Variants in DNM3 observed in about 807,000 individuals in gnomAD.
DNM3 encodes the protein dynamin-3.
Under a neutral mutation model 101.6 loss-of-function variants are expected in DNM3, and 47 were observed. The observed-to-expected ratio is 0.46, with a 90% CI of 0.37 to 0.59. DNM3 has a LOEUF of 0.59. Ranked by LOEUF, DNM3 falls within the 20% of genes least tolerant of loss-of-function variation. The pLI is 0.00. For missense variants in DNM3, 849 were observed against 1,085.7 expected (o/e 0.78, Z 3.06); for synonymous variants, 385 against 387.9 (o/e 0.99, Z 0.09).
At chr1:171,891,269 T>C (rs1160648087) in intron 1 of DNM3, among the ~76,000 whole-genome samples, 1 of 151,988 alleles carries the variant, frequency 6.6e-6, no homozygotes, top group African/African-American at 2.4e-5. Context: ...CACAGCTTTT[T>C]CCAAATTATT....
At chr1:171,929,338 G>T (rs1377819736) in intron 2 of DNM3, among the ~76,000 whole-genome samples, 1 of 152,216 alleles carries the variant, frequency 6.6e-6, no homozygotes, top group Non-Finnish European at 1.5e-5. Flanking sequence ...TGAGGAACAG[G>T]ATTGCGGACA....
chr1:172,137,185 A>G (rs2057284688), intron 14 of DNM3: 1 of 152,146 alleles, frequency 6.6e-6, no homozygotes, highest in East Asian at 1.9e-4. Context: ...AGCATTTGCA[A>G]CAGGTGGTAC....
At chr1:172,130,577 A>G (rs1027886342) in intron 13 of DNM3, among the ~76,000 whole-genome samples, 1 of 152,214 alleles carries the variant, frequency 6.6e-6, no homozygotes, top group African/African-American at 2.4e-5. Context: ...AAATTTTACA[A>G]TATGCTGTTC....
Position 172,038,782 on chromosome 1 carries a change from T to G in DNM3, c.992+321T>G, listed in dbSNP as rs184620117. Among the ~76,000 whole-genome samples the G allele has an allele frequency of 2.2e-3, 329 of 152,302 alleles. 6 individuals carry two copies. Among genetic ancestry groups the G allele is most frequent in the Non-Finnish European group, 2.2e-3 (148 of 68,022 alleles). On this transcript the variant is annotated intron_variant, in intron 7 of 20. Transcript: ENST00000627582. ...TGTCTTAGAAGTGGGTAAATACAGA[T>G]GCAAATATCATTTGTATTTTTCAGC...
rs183492209 is a variant in DNM3, at chr1:172,047,068, T to G, written c.1197-1544T>G. 2.8e-3 allele frequency among the ~76,000 whole-genome samples: 426 copies of G among 152,308 alleles called. 2 individuals are homozygous for G. The highest frequency in any genetic ancestry group is 9.6e-3 in the African/African-American group (401 of 41,582). ...ACAATGTCCTGAGCATAAGACATAC[T>G]CATGGTATGCTTATTTAGGCCTTTA... On this transcript the variant is annotated intron_variant, in intron 9 of 20. Transcript: ENST00000627582.
intron 15 of DNM3, among the ~76,000 whole-genome samples, chr1:172,289,231 C>T (rs2063811708): frequency 6.6e-6 from 1 of 151,932 alleles, no homozygotes; most frequent in African/African-American, 2.4e-5. Flanking sequence ...CTCTTAAAAT[C>T]TAGGGAAAAA....
intron 14 of DNM3, among the ~76,000 whole-genome samples, chr1:172,190,855 A>G (rs1185654595): frequency 6.6e-6 from 1 of 151,934 alleles, no homozygotes; most frequent in Non-Finnish European, 1.5e-5. Context: ...CCACTTTTTG[A>G]TGGGATTGTT....
chr1:172,100,349 C>T (rs2147872584), intron 13 of DNM3, among the ~76,000 whole-genome samples: 1 of 152,320 alleles, frequency 6.6e-6, no homozygotes, highest in Non-Finnish European at 1.5e-5. Flanking sequence ...TTCATAGGAT[C>T]TCTCACAGGT....
At chr1:171,891,491 T>C (rs1558221359) in intron 1 of DNM3, among the ~76,000 whole-genome samples, 2 of 152,170 alleles carry the variant, frequency 1.3e-5, no homozygotes, top group African/African-American at 4.8e-5. Context: ...AAAATCCATA[T>C]TTTATTCAGA....
intron 14 of DNM3, among the ~76,000 whole-genome samples, chr1:172,176,515 C>T (rs1006653937): frequency 6.6e-6 from 1 of 151,740 alleles, no homozygotes; most frequent in African/African-American, 2.4e-5. Context: ...TGTAAATAGC[C>T]AGGTTAGTGA....
intron 11 of DNM3, among the ~76,000 whole-genome samples, chr1:172,072,403 G>C (rs1020456723): frequency 6.6e-6 from 1 of 152,130 alleles, no homozygotes; most frequent in Non-Finnish European, 1.5e-5. Flanking sequence ...GATTTGGAGT[G>C]ATCTTTTAAA....
chr1:172,051,447 T>G (rs79946145), intron 10 of DNM3, among the ~76,000 whole-genome samples: 6,449 of 152,304 alleles, frequency 0.042, 143 homozygotes, highest in Middle Eastern at 0.071. Context: ...GCCTAAAAGC[T>G]ACTTTTCTTT....
At chr1:172,354,383 G>C (rs569983950) in intron 17 of DNM3, among the ~76,000 whole-genome samples, 1 of 152,224 alleles carries the variant, frequency 6.6e-6, no homozygotes, top group Non-Finnish European at 1.5e-5. Context: ...TTATCACACA[G>C]AAATAGGAGA....
chr1:172,106,844 A>ATTTTTTTTTTTTTTTTTTTTTTTTT (rs1289662689), intron 13 of DNM3, among the ~76,000 whole-genome samples: 1 of 51,052 alleles, frequency 2.0e-5, no homozygotes, highest in African/African-American at 6.8e-5. Flanking sequence ...AGGTAACATT[A>ATTTTTTTTTTTTTTTTTTTTTTTTT]TTCTTTTTTT....
In DNM3 at chr1:171,892,958, G is replaced by A. The variant is rs190947802; in HGVS notation, c.162-28790G>A. ...GCCCACGGGTCACCTCCTGCTGTGCGGCCCAGTTCCTAACAGGCCATGGAT... is the reference window on the plus strand; with the variant it reads ...GCCCACGGGTCACCTCCTGCTGTGCAGCCCAGTTCCTAACAGGCCATGGAT... On this transcript the variant is annotated intron_variant, in intron 1 of 20. Coordinates refer to ENST00000627582, the MANE Select transcript of DNM3 (RefSeq NM_015569.5). 2.2e-3 allele frequency among the ~76,000 whole-genome samples: 330 copies of A among 151,948 alleles called. 3 individuals are homozygous for A. The highest frequency in any genetic ancestry group is 8.1e-3 in the South Asian group (39 of 4,828).
chr1:172,345,859 T>C (rs2066902462), intron 17 of DNM3, among the ~76,000 whole-genome samples: 1 of 152,056 alleles, frequency 6.6e-6, no homozygotes, highest in Admixed American at 6.5e-5. Context: ...TAAATTACAT[T>C]TTCCTAACAA....
chr1:172,394,630 A>C (rs1344652152), intron 20 of DNM3, among the ~76,000 whole-genome samples: 1 of 152,204 alleles, frequency 6.6e-6, no homozygotes, highest in Non-Finnish European at 1.5e-5. Flanking sequence ...AAATTGTTGA[A>C]GCTTCAGCCA....
At chr1:172,260,925 C>T (rs1212770890) in intron 15 of DNM3, among the ~76,000 whole-genome samples, 1 of 151,260 alleles carries the variant, frequency 6.6e-6, no homozygotes, top group Non-Finnish European at 1.5e-5. Context: ...TAATGAATTT[C>T]CCCTCCCTCC....
chr1:172,067,278 A>G (rs116734633), intron 10 of DNM3, among the ~76,000 whole-genome samples: 1 of 152,272 alleles, frequency 6.6e-6, no homozygotes, highest in African/African-American at 2.4e-5. Context: ...TTAATTTGCA[A>G]GCACTTTAAA....
Sources: gnomAD v4.1 joint callset for allele counts (sites outside exome capture counted in the v4.1 genomes callset) on GRCh38, gnomAD v4.1.1 for gene constraint, MANE v1.5 for transcripts, NCBI Gene and HGNC (gene_info 2026-07-23, HGNC 2026-07-21) for gene names.